SLC35D1: variants seen among roughly 807,000 people sequenced by gnomAD.
SLC35D1 encodes solute carrier family 35 member D1, also known as nucleotide sugar transporter SLC35D1.
In SLC35D1, 31 loss-of-function variants were observed where a neutral mutation model predicts 46.7. The observed-to-expected ratio is 0.66, with a 90% CI of 0.50 to 0.90. SLC35D1 has a LOEUF of 0.90. Ranked by LOEUF, SLC35D1 falls within the 40% of genes least tolerant of loss-of-function variation. The pLI, the probability that SLC35D1 is intolerant of heterozygous loss-of-function variation, is 0.00. For synonymous variants in SLC35D1, 195 were observed against 164.6 expected, an observed-to-expected ratio of 1.18 and a Z score of -1.41; for missense variants, 397 against 426.2, an observed-to-expected ratio of 0.93 and a Z score of 0.60.
At position 67,001,482 on chromosome 1, in the gene SLC35D1, G is replaced by A. The variant is rs1428303773; in HGVS notation, c.*2858C>T. On this transcript the variant is annotated 3_prime_UTR_variant, in exon 12 of 12. Coordinates refer to ENST00000235345, the MANE Select transcript of SLC35D1 (RefSeq NM_015139.3). ...CTTGACTAGAAGCAGATTGGCCAAA[G>A]AGGGTCTCACTTACATTGAACAGGA... The A allele has an allele frequency of 6.6e-6, 1 of 152,286 alleles. No individual in the cohort carries two copies. Among genetic ancestry groups the A allele is most frequent in the Non-Finnish European group, 1.5e-5 (1 of 68,042 alleles). 9.4% of individuals were successfully genotyped at this position (152,286 alleles called of 1,614,324 possible).
chr1:67,011,873 G>A (rs1366668791), intron 10 of SLC35D1, among the ~76,000 whole-genome samples: 1 of 152,166 alleles, frequency 6.6e-6, no homozygotes, highest in Non-Finnish European at 1.5e-5. Context: ...TCTGTGGCAT[G>A]AATATTCAAA....
At chr1:67,012,564 AAAAAT>A (rs1252835953) in intron 10 of SLC35D1, among the ~76,000 whole-genome samples, 82 of 148,550 alleles carry the variant, frequency 5.5e-4, no homozygotes, top group African/African-American at 2.0e-3. Context: ...AAAAAAAAAA[AAAAAT>A]TTAAGAGATT....
rs184176881 is a variant in SLC35D1 at position 67,049,796 on chromosome 1, G to C, written c.519C>G (p.Ala173=). 26 of 1,613,614 alleles carry C rather than the reference G, an allele frequency of 1.6e-5. No individual in the cohort carries two copies. Among genetic ancestry groups the C allele is most frequent in the Admixed American group, 5.0e-5 (3 of 60,006 alleles). ...KMTVFAMIIG[A]FVAASSDLAF... ...CCACATCTTACCTGGCAGCTACAAA[G>C]GCTCCAATAATCATTGCAAATACAG... Residue 173 remains alanine, a synonymous_variant, in exon 6 of 12, where the codon GCC becomes GCG. Transcript: ENST00000235345.
chr1:66,984,482 T>G, the SLC35D1 span: 98 of 964,590 alleles, frequency 1.0e-4, no homozygotes, highest in Non-Finnish European at 1.4e-4. Context: ...CCTTGCTTCC[T>G]TGATAACAAT....
chr1:66,994,880 G>C (rs1177307304), downstream of SLC35D1, among the ~76,000 whole-genome samples: 1 of 131,354 alleles, frequency 7.6e-6, no homozygotes, highest in African/African-American at 2.9e-5. Flanking sequence ...TGTTCCCAAA[G>C]TTAAAATGGT....
At chr1:67,032,181 G>C in intron 8 of SLC35D1, 3 of 724,822 alleles carry the variant, frequency 4.1e-6, no homozygotes, top group Non-Finnish European at 5.1e-6. Flanking sequence ...TAGCGCTACA[G>C]GTGCCAGTAT....
intron 9 of SLC35D1, among the ~76,000 whole-genome samples, chr1:67,020,855 A>G (rs1483362793): frequency 1.3e-5 from 2 of 152,190 alleles, no homozygotes; most frequent in Non-Finnish European, 2.9e-5. Context: ...TAAATATTGA[A>G]GAAAACCAAA....
chr1:67,028,541 A>G (rs1420867785), intron 8 of SLC35D1, among the ~76,000 whole-genome samples: 1 of 152,166 alleles, frequency 6.6e-6, no homozygotes, highest in Non-Finnish European at 1.5e-5. Context: ...TACACTTAGG[A>G]CCATTATATC....
intron 11 of SLC35D1, among the ~76,000 whole-genome samples, chr1:67,005,460 C>T (rs545199915): frequency 5.3e-5 from 8 of 152,266 alleles, no homozygotes; most frequent in African/African-American, 1.7e-4. Context: ...TGCACACGCT[C>T]GCATAATACT....
At chr1:67,039,168 T>A (rs1668187215) in intron 8 of SLC35D1, among the ~76,000 whole-genome samples, 1 of 152,166 alleles carries the variant, frequency 6.6e-6, no homozygotes, top group African/African-American at 2.4e-5. Flanking sequence ...TTTGCATCGA[T>A]TTTGCTTCAA....
At chr1:67,011,220 T>A (rs1161536550) in intron 10 of SLC35D1, among the ~76,000 whole-genome samples, 1 of 152,176 alleles carries the variant, frequency 6.6e-6, no homozygotes, top group Non-Finnish European at 1.5e-5. Flanking sequence ...CATCAATAAA[T>A]TAGATACCTT....
At chr1:67,017,341 T>C (rs75461381) in intron 10 of SLC35D1, among the ~76,000 whole-genome samples, 1 of 152,292 alleles carries the variant, frequency 6.6e-6, no homozygotes, top group South Asian at 2.1e-4. Context: ...TCATTAATTG[T>C]TATTGTTGTT....
At chr1:66,984,825 T>C in the SLC35D1 span, 2 of 1,611,264 alleles carry the variant, frequency 1.2e-6, no homozygotes. Flanking sequence ...GAAAAGAAAG[T>C]CCAGGTTCTT....
At chr1:66,987,899 AGTCCCTAGACCTCCATTCACT>A in the SLC35D1 span, 2 of 151,398 alleles carry the variant, frequency 1.3e-5, no homozygotes, top group African/African-American at 4.9e-5. Flanking sequence ...AGATCCTTTC[AGTCCCTAGACCTCCATTCACT>A]CTGTTTCTCT....
chr1:66,988,861 A>C, the SLC35D1 span, among the ~76,000 whole-genome samples: 1 of 152,338 alleles, frequency 6.6e-6, no homozygotes, highest in African/African-American at 2.4e-5. Context: ...GTGGCTTCAG[A>C]GATGCGGCAT....
At chr1:66,987,092 G>T in the SLC35D1 span, 1 of 152,656 alleles carries the variant, frequency 6.6e-6, no homozygotes, top group African/African-American at 2.4e-5. Flanking sequence ...TTTAGGAAAT[G>T]TTACTTTTGT....
chr1:66,989,179 T>A, the SLC35D1 span, among the ~76,000 whole-genome samples: 1 of 152,346 alleles, frequency 6.6e-6, no homozygotes, highest in South Asian at 2.1e-4. Context: ...TTCTTGTCAT[T>A]CACTGTTCCA....
At chr1:67,014,037 T>C (rs1667629845) in intron 10 of SLC35D1, among the ~76,000 whole-genome samples, 1 of 152,208 alleles carries the variant, frequency 6.6e-6, no homozygotes, top group African/African-American at 2.4e-5. Flanking sequence ...GTGCCTACTT[T>C]CCACATATTT....
the SLC35D1 span, chr1:66,985,951 A>G: frequency 1.9e-5 from 19 of 984,964 alleles, no homozygotes; most frequent in Non-Finnish European, 2.0e-5. Context: ...AAGCAAGACA[A>G]AAGTTTAATG....
Sources: gnomAD v4.1 joint callset for allele counts (sites outside exome capture counted in the v4.1 genomes callset) on GRCh38, gnomAD v4.1.1 for gene constraint, MANE v1.5 for transcripts, NCBI Gene and HGNC (gene_info 2026-07-23, HGNC 2026-07-21) for gene names.